The following PTPRN2 variants were observed in gnomAD, a reference collection of about 807,000 sequenced individuals.
PTPRN2 encodes the protein protein tyrosine phosphatase receptor type N2, also known as receptor-type tyrosine-protein phosphatase N2.
In PTPRN2, 74 loss-of-function variants were observed where a neutral mutation model predicts 118.8. The observed-to-expected ratio is 0.62, with a 90% confidence interval of 0.52 to 0.76. The LOEUF is 0.76. Among genes scored for constraint, PTPRN2 ranks in the 30% least tolerant of loss-of-function variants. The probability of loss-of-function intolerance (pLI) is 0.00; values close to 1 mark genes in which losing one functional copy is unlikely to be tolerated. For missense variants in PTPRN2, 1,481 were observed against 1,394.4 expected (o/e 1.06, Z -0.99); for synonymous variants, 641 against 608.0 (o/e 1.05, Z -0.80).
intron 14 of PTPRN2, 152 bp from the exon 15 acceptor site, chr7:157,621,661 G>A: frequency 1.1e-6 from 1 of 880,140 alleles, no homozygotes; most frequent in Middle Eastern, 2.4e-4. Context: ...GTGCTACGGT[G>A]CACAATGCAT....
chr7:158,407,062 C>G (rs1490552714), intron 2 of PTPRN2, among the ~76,000 whole-genome samples: 3 of 152,162 alleles, frequency 2.0e-5, no homozygotes, highest in Non-Finnish European at 4.4e-5. Context: ...GCAAGAGAAC[C>G]AACATCCGCC....
intron 21 of PTPRN2, among the ~76,000 whole-genome samples, chr7:157,553,377 G>A (rs1428624407): frequency 1.3e-5 from 2 of 152,218 alleles, no homozygotes; most frequent in African/African-American, 2.4e-5. Context: ...CCATGAAGCC[G>A]TCAGGAGCTG....
Position 158,097,967 on chromosome 7 carries a change from C to T in PTPRN2, c.1643+12862G>A, listed in dbSNP as rs114111041. ...GAACATGCTCTGACAGGCAGCACCG[C>T]GTGGCCGTGTCTCCCGCCTGTCAGA... On this transcript the variant is annotated intron_variant, in intron 10 of 22. Transcript: ENST00000389418. 9.4e-3 allele frequency among the ~76,000 whole-genome samples: 1,438 copies of T among 152,296 alleles called. 20 individuals carry two copies. The highest frequency in any genetic ancestry group is 0.033 in the African/African-American group (1,374 of 41,564).
At chr7:158,523,087 T>C (rs1824334077) in intron 1 of PTPRN2, among the ~76,000 whole-genome samples, 1 of 151,990 alleles carries the variant, frequency 6.6e-6, no homozygotes, top group Non-Finnish European at 1.5e-5. Flanking sequence ...GAAAATGGGG[T>C]CTCAGAAGAA....
intron 1 of PTPRN2, among the ~76,000 whole-genome samples, chr7:158,522,624 C>T (rs1563390875): frequency 1.3e-5 from 2 of 152,220 alleles, no homozygotes; most frequent in Non-Finnish European, 2.9e-5. Context: ...TTACAACATG[C>T]ACCTTGCTGC....
intron 1 of PTPRN2, 133 bp from the exon 2 acceptor site, chr7:158,489,918 C>A: frequency 1.2e-6 from 1 of 812,966 alleles, no homozygotes; most frequent in Non-Finnish European, 1.9e-6. Flanking sequence ...CCGGCTTTTC[C>A]GAGATGGGGC....
At chr7:158,281,881 G>A (rs766086516) in intron 3 of PTPRN2, among the ~76,000 whole-genome samples, 17 of 152,216 alleles carry the variant, frequency 1.1e-4, no homozygotes, top group South Asian at 4.1e-4. Context: ...TCTGAGCCCC[G>A]CATAACTCAC....
chr7:158,063,442 T>G (rs752199753), intron 11 of PTPRN2, among the ~76,000 whole-genome samples: 1 of 152,052 alleles, frequency 6.6e-6, no homozygotes, highest in Non-Finnish European at 1.5e-5. Context: ...CTCTGTAAAA[T>G]AGACCAATCA....
At position 158,151,128 on chromosome 7, in the gene PTPRN2, C is replaced by T. The variant is rs1183153737; in HGVS notation, c.911-12613G>A. Among the ~76,000 whole-genome samples the T allele has an allele frequency of 2.4e-4, 25 of 104,778 alleles. 2 individuals carry two copies. Among genetic ancestry groups the T allele is most frequent in the East Asian group, 2.1e-3 (6 of 2,924 alleles). The allele number at this position is 104,778 out of a possible 152,430, so 68.7% of individuals were successfully genotyped here. A position where few individuals can be genotyped will look rare whatever the true frequency, so the allele number is the denominator to read the frequency against. On this transcript the variant is annotated intron_variant, in intron 6 of 22. Coordinates refer to ENST00000389418, the MANE Select transcript of PTPRN2 (RefSeq NM_002847.5). ...TTTCTGCTCCTACCCCTGCCCACAC[C>T]GCCCGCCTTTCTATTCCTGCCTCTC...
At chr7:157,961,496 G>A (rs1801532147) in intron 11 of PTPRN2, among the ~76,000 whole-genome samples, 1 of 151,368 alleles carries the variant, frequency 6.6e-6, no homozygotes. Flanking sequence ...TTGTGCCACT[G>A]CACTCCAGCC....
chr7:157,898,657 C>A lies in PTPRN2; in HGVS notation c.1788+16G>T. On this transcript the variant is annotated intron_variant, in intron 12 of 22. Transcript: ENST00000389418. Reference sequence around the variant, plus strand: ...CTGCAGATCGCAGAGCAGACGGCACCCCTTCTGTTACTCACCGACCCGACT... The same window carrying A: ...CTGCAGATCGCAGAGCAGACGGCACACCTTCTGTTACTCACCGACCCGACT... 6.4e-7 allele frequency: 1 copy of A among 1,567,586 alleles called. No homozygotes were observed. The highest frequency in any genetic ancestry group is 1.1e-5 in the South Asian group (1 of 90,084).
chr7:158,246,672 TTA>T (rs1796270495), intron 3 of PTPRN2, among the ~76,000 whole-genome samples: 1 of 151,950 alleles, frequency 6.6e-6, no homozygotes, highest in African/African-American at 2.4e-5. Flanking sequence ...GCATATGGTT[TTA>T]TTGCTAATTC....
chr7:158,372,937 G>A lies in PTPRN2; in HGVS notation c.164-56005C>T, dbSNP rs150013209. On this transcript the variant is annotated intron_variant, in intron 2 of 22. Transcript: ENST00000389418. ...AGACTCCCCGACCTGACAGCTTCCG[G>A]GCATCCCTCCTGCAATCTGGGGCCA... Among the ~76,000 whole-genome samples, 1,404 of 152,228 alleles carry A rather than the reference G, an allele frequency of 9.2e-3. 9 individuals carry two copies. The highest frequency in any genetic ancestry group is 0.015 in the Non-Finnish European group (999 of 68,014).
rs763067393 is a variant in PTPRN2 at position 157,674,522 on chromosome 7, G to A, written c.2001+8203C>T. Among the ~76,000 whole-genome samples, 2 of 152,176 alleles carry A rather than the reference G, an allele frequency of 1.3e-5. No individual in the cohort carries two copies. Among genetic ancestry groups the A allele is most frequent in the Admixed American group, 6.5e-5 (1 of 15,286 alleles). On this transcript the variant is annotated intron_variant, in intron 13 of 22. Coordinates refer to ENST00000389418, the MANE Select transcript of PTPRN2 (RefSeq NM_002847.5). This position sits in a 1 kb window ranked among gnomAD's most constrained non-coding sequence, Gnocchi z 4.5. Reference sequence around the variant, plus strand: ...ATCATTCCTCATCCCACCACCCCGCGCAGCGTCTTGCCTCCTTTTATGCCG... The same window carrying A: ...ATCATTCCTCATCCCACCACCCCGCACAGCGTCTTGCCTCCTTTTATGCCG...
chr7:158,087,012 A>T (rs576759053), intron 10 of PTPRN2, among the ~76,000 whole-genome samples: 2 of 152,202 alleles, frequency 1.3e-5, no homozygotes, highest in African/African-American at 4.8e-5. Flanking sequence ...TGCACATTAC[A>T]TTATTTACCC....
At chr7:158,008,061 T>TGTGTGGGTGTGGGTGTGCTGTGTGTGG (rs1805777055) in intron 11 of PTPRN2, among the ~76,000 whole-genome samples, 1 of 137,602 alleles carries the variant, frequency 7.3e-6, no homozygotes, top group East Asian at 2.1e-4. Flanking sequence ...AGGTGTGCTG[T>TGTGTGGGTGTGGGTGTGCTGTGTGTGG]GTGTGGGTGT....
intron 12 of PTPRN2, among the ~76,000 whole-genome samples, chr7:157,878,583 GCT>G (rs1457197625): frequency 4.2e-5 from 6 of 143,822 alleles, no homozygotes; most frequent in African/African-American, 8.0e-5. Flanking sequence ...TCACTGAGGA[GCT>G]CTCTCAGATT....
At chr7:158,331,735 C>G (rs1488273698) in intron 2 of PTPRN2, among the ~76,000 whole-genome samples, 4 of 151,044 alleles carry the variant, frequency 2.6e-5, no homozygotes, top group Admixed American at 2.0e-4. Context: ...TAAGAGCTGA[C>G]ACCTGCAGAC....
chr7:158,029,011 A>G (rs1045876913), intron 11 of PTPRN2: 4 of 152,308 alleles, frequency 2.6e-5, no homozygotes, highest in African/African-American at 9.6e-5. Context: ...TCAAACCAGC[A>G]CATGGGGCTA....
Sources: allele counts gnomAD v4.1 joint callset (sites outside exome capture counted in the v4.1 genomes callset), GRCh38; gene constraint gnomAD v4.1.1; non-coding constraint Gnocchi (gnomAD v3.1); transcripts MANE v1.5; gene names NCBI Gene and HGNC (gene_info 2026-07-23, HGNC 2026-07-21).